PGBD2: variants seen among roughly 807,000 people sequenced by gnomAD.
PGBD2 encodes the protein piggyBac transposable element-derived protein 2.
A neutral mutation model predicts 8.1 loss-of-function variants in PGBD2; 6 were observed. The ratio of observed to expected loss-of-function variants is 0.74; its 90% confidence interval spans 0.40 to 1.46. PGBD2 has a LOEUF of 1.46. PGBD2 is among the 40% of genes most tolerant of loss of function. The probability of loss-of-function intolerance (pLI) is 0.02; values close to 1 mark genes in which losing one functional copy is unlikely to be tolerated. For synonymous variants in PGBD2, 318 were observed against 272.2 expected, an observed-to-expected ratio of 1.17 and a Z score of -1.66; for missense variants, 802 against 739.0, an observed-to-expected ratio of 1.09 and a Z score of -0.99.
chr1:248,887,618 A>G, the PGBD2 span, among the ~76,000 whole-genome samples: 1 of 152,206 alleles, frequency 6.6e-6, no homozygotes, highest in African/African-American at 2.4e-5. Context: ...CCAAACCAGT[A>G]GAATGCTCCA....
Position 248,913,806 on chromosome 1 carries a change from T to G in PGBD2, c.-47-10T>G, listed in dbSNP as rs1374760372. On this transcript the variant is annotated splice_polypyrimidine_tract_variant and intron_variant, in intron 1 of 2. Coordinates refer to ENST00000329291, the MANE Select transcript of PGBD2 (RefSeq NM_170725.3). The stretch of plus-strand genomic sequence containing the variant: ...AATTTTTTTTTAAATTGACTTTTCT[T>G]GTCTTACAGGTTCTTAGACTCTGTG... 2.8e-6 allele frequency: 4 copies of G among 1,435,494 alleles called. No homozygotes were observed. The highest frequency in any genetic ancestry group is 2.8e-5 in the African/African-American group (2 of 70,408). 88.9% of individuals were successfully genotyped at this position (1,435,494 alleles called of 1,614,324 possible).
At chr1:248,883,088 G>A in the PGBD2 span, among the ~76,000 whole-genome samples, 1 of 152,054 alleles carries the variant, frequency 6.6e-6, no homozygotes, top group African/African-American at 2.4e-5. Context: ...GCACCTGGAG[G>A]GTTTCTAGTT....
chr1:248,883,455 T>C, the PGBD2 span, among the ~76,000 whole-genome samples: 1 of 152,118 alleles, frequency 6.6e-6, no homozygotes, highest in East Asian at 1.9e-4. Context: ...TATTTGTTTT[T>C]TGCTTGATGA....
chr1:248,883,310 A>T, the PGBD2 span, among the ~76,000 whole-genome samples: 1 of 151,912 alleles, frequency 6.6e-6, no homozygotes, highest in African/African-American at 2.4e-5. Context: ...TTTAGTAGAG[A>T]TGAGGTTTCT....
At position 248,917,728 on chromosome 1, in the gene PGBD2, T is replaced by A; in HGVS notation, c.1144T>A (p.Cys382Ser). 6.2e-7 allele frequency: 1 copy of A among 1,614,210 alleles called. No homozygotes were observed. The highest frequency in any genetic ancestry group is 8.5e-7 in the Non-Finnish European group (1 of 1,180,042). ...TGTTCGTGAGTACAGGACTGAGCGA[T>A]GTCCCCTAAAAGACCCCAAAGAACT... Reference protein sequence around the residue: ...GTVREYRTERCPLKDPKELKK... With the variant: ...GTVREYRTERSPLKDPKELKK... Residue 382 changes from cysteine to serine, a missense_variant, in exon 3 of 3, where the codon TGT (cysteine) becomes AGT (serine). Cys to Ser is a moderately radical substitution (Grantham distance 112). Transcript: ENST00000329291.
chr1:248,921,245 G>A (rs1232254383), downstream of PGBD2, among the ~76,000 whole-genome samples: 1 of 152,090 alleles, frequency 6.6e-6, no homozygotes, highest in Admixed American at 6.5e-5. Flanking sequence ...TATTGCCCAG[G>A]GTTTCTTCTA....
chr1:248,892,234 G>GTTCC, the PGBD2 span, among the ~76,000 whole-genome samples: 1,443 of 136,158 alleles, frequency 0.011, 68 homozygotes, highest in African/African-American at 0.038. Context: ...AGGTAGTCTT[G>GTTCC]TTCCTTCCTT....
chr1:248,917,953 C>T lies in PGBD2; in HGVS notation c.1369C>T (p.Gln457Ter), dbSNP rs1662175289. 1.9e-6 allele frequency: 3 copies of T among 1,614,182 alleles called. No homozygotes were observed. The South Asian group carries it at 3.3e-5, about 18-fold the overall frequency. The change falls in exon 3 of 3, where the codon CAG becomes TAG. Residue 457 changes from glutamine to a stop codon, truncating the protein, a stop_gained. Coordinates refer to ENST00000329291, the MANE Select transcript of PGBD2 (RefSeq NM_170725.3). LOFTEE classifies it low-confidence loss of function (END_TRUNC). The stretch of plus-strand genomic sequence containing the variant: ...CCAGCCATCACTGGTGAAGCTGTAT[C>T]AGGAGAAGGTGGGTGGCGTTGGTAG... ...VHQPSLVKLY[Q>*]EKVGGVGRMD...
chr1:248,905,715 C>A (rs1015245462), upstream of PGBD2, among the ~76,000 whole-genome samples: 4 of 152,224 alleles, frequency 2.6e-5, no homozygotes, highest in Admixed American at 2.0e-4. Flanking sequence ...GGACAGCCTC[C>A]TTCCCTCTCA....
At chr1:248,876,658 G>A in the PGBD2 span, among the ~76,000 whole-genome samples, 1 of 152,140 alleles carries the variant, frequency 6.6e-6, no homozygotes. Context: ...GGGTCATGGA[G>A]AAAAACTAAT....
At chr1:248,882,687 C>T in the PGBD2 span, among the ~76,000 whole-genome samples, 2 of 152,154 alleles carry the variant, frequency 1.3e-5, no homozygotes, top group African/African-American at 4.8e-5. Context: ...CATTCCATTC[C>T]CAGAGCTATG....
chr1:248,874,293 G>C, the PGBD2 span, among the ~76,000 whole-genome samples: 9 of 152,138 alleles, frequency 5.9e-5, no homozygotes, highest in African/African-American at 2.2e-4. Context: ...CACCGCCGCG[G>C]CCCGGGTTCG....
At chr1:248,911,653 GC>G (rs766288350) in intron 1 of PGBD2, among the ~76,000 whole-genome samples, 73 of 148,480 alleles carry the variant, frequency 4.9e-4, no homozygotes, top group South Asian at 1.0e-3. Context: ...AGACGGGGCG[GC>G]TGGCCGGGCA....
the PGBD2 span, among the ~76,000 whole-genome samples, chr1:248,885,081 A>C: frequency 3.3e-5 from 5 of 152,150 alleles, no homozygotes; most frequent in South Asian, 1.0e-3. Flanking sequence ...CTTTTTTTGC[A>C]GTCCCCTTGG....
At chr1:248,926,466 T>G in the PGBD2 span, among the ~76,000 whole-genome samples, 2 of 152,224 alleles carry the variant, frequency 1.3e-5, no homozygotes, top group African/African-American at 4.8e-5. Flanking sequence ...AGCTGCAAGC[T>G]GTAGTAGCAG....
downstream of PGBD2, among the ~76,000 whole-genome samples, chr1:248,921,122 T>G (rs1202438051): frequency 6.6e-5 from 10 of 152,374 alleles, no homozygotes; most frequent in Admixed American, 6.5e-4. Context: ...TTTATTTTGC[T>G]GTGCAGAAGC....
chr1:248,895,751 G>A, the PGBD2 span, among the ~76,000 whole-genome samples: 1 of 151,946 alleles, frequency 6.6e-6, no homozygotes, highest in African/African-American at 2.4e-5. Context: ...GCAGTGGCGT[G>A]ATCTTGGCTC....
chr1:248,881,240 A>G, the PGBD2 span, among the ~76,000 whole-genome samples: 4 of 152,194 alleles, frequency 2.6e-5, no homozygotes, highest in Admixed American at 2.6e-4. Flanking sequence ...ACCACCATCC[A>G]GGAGTCCCTG....
Position 248,918,128 on chromosome 1 carries a change from C to T in PGBD2, c.1544C>T (p.Ala515Val). ...CAAGATGCCCAGGTGGACCTCCTTG[C>T]CTTCCGGAGATACATTGCCTGTGTG... ...CCQDAQVDLL[A>V]FRRYIACVYL... The change falls in exon 3 of 3, where the codon GCC (alanine) becomes GTC (valine). Residue 515 changes from alanine (A) to valine (V), a missense_variant. By Grantham distance (64) the Ala-to-Val change is moderately conservative (BLOSUM62 0). Transcript: ENST00000329291. 2 of 1,614,192 alleles carry T rather than the reference C, an allele frequency of 1.2e-6. No individual in the cohort carries two copies. The highest frequency in any genetic ancestry group is 8.5e-7 in the Non-Finnish European group (1 of 1,180,032).
Sources: allele counts gnomAD v4.1 joint callset (sites outside exome capture counted in the v4.1 genomes callset), GRCh38; gene constraint gnomAD v4.1.1; transcripts MANE v1.5; gene names NCBI Gene and HGNC (gene_info 2026-07-23, HGNC 2026-07-21).